The following WDR37 variants were observed in gnomAD, a reference collection of about 807,000 sequenced individuals.
WDR37 encodes the protein WD repeat domain 37.
In WDR37, 19 loss-of-function variants were observed where a neutral mutation model predicts 62.9. That is an observed-to-expected ratio of 0.30 (90% CI 0.21 to 0.44). The LOEUF is 0.44. Ranked by LOEUF, WDR37 falls within the 20% of genes least tolerant of loss-of-function variation. WDR37 has a pLI of 1.00. For synonymous variants in WDR37, 250 were observed against 260.9 expected, an observed-to-expected ratio of 0.96 and a Z score of 0.40; for missense variants, 474 against 657.6, an observed-to-expected ratio of 0.72 and a Z score of 3.05.
At chr10:1,101,456 A>T (rs1438298465) in intron 9 of WDR37, among the ~76,000 whole-genome samples, 1 of 152,086 alleles carries the variant, frequency 6.6e-6, no homozygotes, top group Non-Finnish European at 1.5e-5. Context: ...TCCTGGTCTC[A>T]TTTTACCTTA....
chr10:1,117,701 G>A (rs530145657), intron 11 of WDR37, among the ~76,000 whole-genome samples: 2 of 152,236 alleles, frequency 1.3e-5, no homozygotes, highest in Non-Finnish European at 2.9e-5. Context: ...AGCATGATAC[G>A]CAGAGCGGGC....
intron 11 of WDR37, among the ~76,000 whole-genome samples, chr10:1,118,547 T>C (rs1158231565): frequency 2.7e-4 from 36 of 133,776 alleles, no homozygotes; most frequent in African/African-American, 4.5e-4. Context: ...ACATCTGAGC[T>C]GCGTGCACTC....
intron 6 of WDR37, 85 bp downstream of exon 6, chr10:1,084,623 G>T: frequency 1.3e-6 from 2 of 1,563,768 alleles, no homozygotes; most frequent in Non-Finnish European, 1.7e-6. Context: ...TTCTGTGGCA[G>T]AGGAACCCTA....
Position 1,105,107 on chromosome 10 carries a change from T to C in WDR37, c.962-19T>C. The C allele has an allele frequency of 6.2e-7, 1 of 1,613,352 alleles. No individual in the cohort carries two copies. ...TGCTCCTCAGGTGATGACCTTGTGT[T>C]TTGCCATCTTGGTTACAGGGCACGA... On this transcript the variant is annotated intron_variant, in intron 10 of 13. Coordinates refer to ENST00000263150, the MANE Select transcript of WDR37 (RefSeq NM_014023.4). The surrounding 1 kb of genome is among the most constrained non-coding windows in gnomAD (Gnocchi z 5.3).
intron 11 of WDR37, among the ~76,000 whole-genome samples, chr10:1,119,176 G>T (rs1218884914): frequency 6.6e-6 from 1 of 152,192 alleles, no homozygotes; most frequent in Non-Finnish European, 1.5e-5. Flanking sequence ...TGTGAGAAAC[G>T]GTCTCTGTCC....
chr10:1,066,317 C>T (rs972980404), intron 1 of WDR37, among the ~76,000 whole-genome samples: 4 of 152,258 alleles, frequency 2.6e-5, no homozygotes, highest in South Asian at 2.1e-4. Context: ...GGGGTTTCAC[C>T]GTGTTAGCTA....
chr10:1,129,671 T>TACGGCGACCACC lies in WDR37; in HGVS notation c.*327_*328insACGGCGACCACC. The TACGGCGACCACC allele has an allele frequency of 4.9e-6, 1 of 204,704 alleles. No homozygotes were observed. The allele number at this position is 204,704 out of a possible 1,614,324, so 12.7% of individuals were successfully genotyped here. A position where few individuals can be genotyped will look rare whatever the true frequency, so the allele number is the denominator to read the frequency against. On this transcript the variant is annotated 3_prime_UTR_variant, in exon 14 of 14. Transcript: ENST00000263150. Reference sequence around the variant, plus strand: ...GGGCATTACATTTGTGTGAATTAAATGTGAACTTCTGTATTACGTTGCGGC... The same window carrying TACGGCGACCACC: ...GGGCATTACATTTGTGTGAATTAAATACGGCGACCACCGTGAACTTCTGTATTACGTTGCGGC...
chr10:1,122,201 G>T (rs535805298), intron 11 of WDR37, among the ~76,000 whole-genome samples: 2 of 152,322 alleles, frequency 1.3e-5, no homozygotes, highest in South Asian at 4.1e-4. Flanking sequence ...GATGAGGGTA[G>T]ATGTGGAAAC....
chr10:1,103,796 G>A lies in WDR37; in HGVS notation c.921G>A (p.Leu307=), dbSNP rs778257659. Residue 307 remains leucine, a synonymous_variant, in exon 10 of 14, where the codon CTG becomes CTA. Transcript: ENST00000263150. This position sits in a 1 kb window ranked among gnomAD's most constrained non-coding sequence, Gnocchi z 6.3. ...CCTCCTGGGACCGGACGGCAAACCT[G>A]TACGACGTGGAGACGTCCGAGCTCG... The part of the protein sequence containing the change: ...VTASWDRTAN[L]YDVETSELVH... 4.3e-6 allele frequency: 7 copies of A among 1,614,248 alleles called. No homozygotes were observed. Among genetic ancestry groups the A allele is most frequent in the Non-Finnish European group, 5.9e-6 (7 of 1,180,056 alleles).
chr10:1,088,755 C>T (rs1165561706), intron 7 of WDR37, among the ~76,000 whole-genome samples: 3 of 151,308 alleles, frequency 2.0e-5, no homozygotes, highest in Non-Finnish European at 4.4e-5. Flanking sequence ...GTCACAGAGA[C>T]GTGAAGTGAA....
At chr10:1,124,501 C>A in intron 12 of WDR37, 149 bp downstream of exon 12, 1 of 1,204,736 alleles carries the variant, frequency 8.3e-7, no homozygotes, top group Admixed American at 2.4e-5. Context: ...TTTCAGTATT[C>A]CATGAAAACT....
Position 1,129,251 on chromosome 10 carries a change from A to G in WDR37, c.1392A>G (p.Glu464=). 6.2e-7 allele frequency: 1 copy of G among 1,614,142 alleles called. No homozygotes were observed. The highest frequency in any genetic ancestry group is 8.5e-7 in the Non-Finnish European group (1 of 1,180,020). The part of the protein sequence containing the change: ...RRMVCCSAWS[E]DHPVCNLFTC... Reference sequence around the variant, plus strand: ...TGGTATGCTGCTCGGCATGGAGTGAAGACCACCCCGTGTGCAATCTGTTCA... The same window carrying G: ...TGGTATGCTGCTCGGCATGGAGTGAGGACCACCCCGTGTGCAATCTGTTCA... Residue 464 remains glutamate (E), a synonymous_variant, in exon 14 of 14, where the codon GAA becomes GAG. Transcript: ENST00000263150.
chr10:1,123,841 ATATGT>A (rs1407875437), intron 11 of WDR37: 1 of 180,382 alleles, frequency 5.5e-6, no homozygotes, highest in Non-Finnish European at 1.2e-5. Flanking sequence ...ATAGACCAAG[ATATGT>A]TATGATTACA....
intron 9 of WDR37, 66 bp downstream of exon 9, chr10:1,096,312 A>T (rs753812238): frequency 6.5e-7 from 1 of 1,534,368 alleles, no homozygotes; most frequent in Non-Finnish European, 9.0e-7. Flanking sequence ...GAATCCATTT[A>T]TGATATCTGT....
chr10:1,084,717 G>A (rs1589092515), intron 6 of WDR37, among the ~76,000 whole-genome samples, 179 bp downstream of exon 6: 1 of 152,242 alleles, frequency 6.6e-6, no homozygotes, highest in East Asian at 1.9e-4. Context: ...CTGAAGTCCT[G>A]CATTCCGTGG....
intron 1 of WDR37, 143 bp from the exon 2 acceptor site, chr10:1,071,973 A>T: frequency 1.7e-6 from 1 of 582,072 alleles, no homozygotes; most frequent in Non-Finnish European, 2.7e-6. Flanking sequence ...AAAACATCTT[A>T]ATTTGTCATA....
In WDR37 at chr10:1,124,931, A is replaced by T. The variant is rs775248772; in HGVS notation, c.1260A>T (p.Gln420His). Residue 420 changes from glutamine to histidine, a missense_variant, in exon 13 of 14, where the codon CAA becomes CAT. Physicochemically the swap from Gln to His is conservative, Grantham distance 24. Transcript: ENST00000263150. ...AINRINVCVG[Q>H]KIIALPHDNR... ...GCAGGATCAATGTATGTGTCGGCCA[A>T]AAAATCATAGCCCTCCCCCATGACA... 73 of 1,614,078 alleles carry T rather than the reference A, an allele frequency of 4.5e-5. No individual in the cohort carries two copies. The highest frequency in any genetic ancestry group is 1.7e-5 in the Admixed American group (1 of 60,012).
At chr10:1,059,268 C>G (rs1053717732) in intron 1 of WDR37, among the ~76,000 whole-genome samples, 2 of 152,142 alleles carry the variant, frequency 1.3e-5, no homozygotes, top group Admixed American at 1.3e-4. Flanking sequence ...CCCAGCTACT[C>G]AGGAGGCTGA....
rs963078880 is a variant in WDR37, at chr10:1,105,871, C to T, written c.1103+604C>T. Among the ~76,000 whole-genome samples the T allele has an allele frequency of 4.0e-5, 6 of 151,894 alleles. No homozygotes were observed. Among genetic ancestry groups the T allele is most frequent in the Admixed American group, 6.6e-5 (1 of 15,248 alleles). ...CGCTATCTCGGCTCACTGCAAGCTC[C>T]GCCTCCCGGGTTCACGCCATTCTCC... is the stretch of plus-strand genomic sequence containing the variant. On this transcript the variant is annotated intron_variant, in intron 11 of 13. Transcript: ENST00000263150. This position sits in a 1 kb window ranked among gnomAD's most constrained non-coding sequence, Gnocchi z 5.3.
Sources: allele counts gnomAD v4.1 joint callset (sites outside exome capture counted in the v4.1 genomes callset), GRCh38; gene constraint gnomAD v4.1.1; non-coding constraint Gnocchi (gnomAD v3.1); transcripts MANE v1.5; gene names NCBI Gene and HGNC (gene_info 2026-07-23, HGNC 2026-07-21).